The following NAPB variants were observed in gnomAD, a reference collection of about 807,000 sequenced individuals.
NAPB encodes the protein NSF attachment protein beta.
A neutral mutation model predicts 44.7 loss-of-function variants in NAPB; 26 were observed. The ratio of observed to expected loss-of-function variants is 0.58; its 90% confidence interval spans 0.43 to 0.81. The LOEUF (loss-of-function observed/expected upper bound fraction) is 0.81, where lower values mean the gene tolerates loss of function less well. NAPB is among the 30% of genes least tolerant of loss of function. The pLI is 0.00. For synonymous variants in NAPB, 120 were observed against 116.8 expected (o/e 1.03, Z -0.18); for missense variants, 315 against 356.4 (o/e 0.88, Z 0.94).
At chr20:23,409,146 GAAAGA>G (rs2123243245) in intron 1 of NAPB, among the ~76,000 whole-genome samples, 1 of 152,294 alleles carries the variant, frequency 6.6e-6, no homozygotes, top group East Asian at 1.9e-4. Flanking sequence ...GCCTTGGAGA[GAAAGA>G]AAAATTCCAC....
At chr20:23,410,894 AAAAT>A (rs1305241536) in intron 1 of NAPB, among the ~76,000 whole-genome samples, 1 of 152,198 alleles carries the variant, frequency 6.6e-6, no homozygotes. Flanking sequence ...AATACACAAA[AAAAT>A]AAGATGATGA....
chr20:23,398,854 A>AATTT (rs1984594168), intron 2 of NAPB, among the ~76,000 whole-genome samples: 3 of 90,426 alleles, frequency 3.3e-5, no homozygotes, highest in African/African-American at 1.4e-4. Flanking sequence ...CAAAAAAAAA[A>AATTT]TTTTTTTTTT....
At chr20:23,390,736 C>T (rs1983885175) in intron 5 of NAPB, among the ~76,000 whole-genome samples, 1 of 151,994 alleles carries the variant, frequency 6.6e-6, no homozygotes. Flanking sequence ...ACAAAGGACA[C>T]AAGGTACCTC....
At chr20:23,406,300 G>A (rs1233824445) in intron 1 of NAPB, among the ~76,000 whole-genome samples, 1 of 152,160 alleles carries the variant, frequency 6.6e-6, no homozygotes, top group Non-Finnish European at 1.5e-5. Flanking sequence ...AAGCAGGGAG[G>A]TGAGGGAAAA....
Position 23,421,414 on chromosome 20 carries a change from C to A in NAPB, c.-12G>T. 2.6e-6 allele frequency: 4 copies of A among 1,541,946 alleles called. No homozygotes were observed. The South Asian group carries it at 4.8e-5, about 18-fold the overall frequency. ...CCCGCGTTGTCCATGTCGCCCGCCG[C>A]GGCCGCCACAGCCCCCTCAGCCGGC... On this transcript the variant is annotated 5_prime_UTR_variant, in exon 1 of 11. Coordinates refer to ENST00000377026, the MANE Select transcript of NAPB (RefSeq NM_022080.3).
intron 1 of NAPB, among the ~76,000 whole-genome samples, chr20:23,410,380 A>G (rs1406320091): frequency 6.6e-6 from 1 of 152,224 alleles, no homozygotes; most frequent in Non-Finnish European, 1.5e-5. Context: ...CAGAAAGGAG[A>G]AACAGCATCC....
intron 7 of NAPB, among the ~76,000 whole-genome samples, chr20:23,385,775 GAGAGAGAGAA>G (rs1983466791): frequency 6.6e-6 from 1 of 151,856 alleles, no homozygotes; most frequent in South Asian, 2.1e-4. Flanking sequence ...GAGAGAGAGA[GAGAGAGAGAA>G]AGAGAAAGAA....
At chr20:23,420,504 C>T (rs6048791) in intron 1 of NAPB, among the ~76,000 whole-genome samples, 2 of 152,086 alleles carry the variant, frequency 1.3e-5, no homozygotes, top group African/African-American at 4.8e-5. Context: ...CGGGGCCCAC[C>T]TGCAGGCGGG....
intron 8 of NAPB, chr20:23,380,528 C>CA (rs1555789700): frequency 6.9e-6 from 1 of 145,862 alleles, no homozygotes; most frequent in Non-Finnish European, 1.5e-5. Context: ...TAATTTCTTT[C>CA]TTTTTTTTTT....
At chr20:23,405,726 C>CA (rs1182315789) in intron 1 of NAPB, among the ~76,000 whole-genome samples, 6 of 149,302 alleles carry the variant, frequency 4.0e-5, no homozygotes, top group Admixed American at 6.6e-5. Flanking sequence ...CGTCTCAAAA[C>CA]AAAAAAAAAG....
intron 1 of NAPB, among the ~76,000 whole-genome samples, chr20:23,403,909 CCTT>C (rs1985044224): frequency 6.6e-6 from 1 of 152,158 alleles, no homozygotes; most frequent in Non-Finnish European, 1.5e-5. Context: ...AAGGGCAAGT[CCTT>C]CTCCAACCTG....
intron 1 of NAPB, among the ~76,000 whole-genome samples, chr20:23,418,593 C>T (rs1986163530): frequency 2.6e-5 from 4 of 152,124 alleles, no homozygotes; most frequent in Admixed American, 2.0e-4. Flanking sequence ...ATAAATCACA[C>T]TTGCATGGTA....
intron 2 of NAPB, among the ~76,000 whole-genome samples, chr20:23,400,359 A>G (rs548712785): frequency 2.2e-4 from 34 of 152,232 alleles, no homozygotes; most frequent in African/African-American, 7.9e-4. Context: ...TCTACTAAAA[A>G]TACAAAATTA....
In NAPB at chr20:23,404,438, A is replaced by T. The variant is rs116755841; in HGVS notation, c.99-1366T>A. ...GCAGAGGAGCTTGCAGCTCCCTGTC[A>T]ACACAAGTCCTAGTGCAGAGCAGAG... On this transcript the variant is annotated intron_variant, in intron 1 of 10. Transcript: ENST00000377026. Among the ~76,000 whole-genome samples, 394 of 152,326 alleles carry T rather than the reference A, an allele frequency of 2.6e-3. 1 individual carries two copies. Among genetic ancestry groups the T allele is most frequent in the African/African-American group, 8.6e-3 (359 of 41,570 alleles).
rs551414688 is a variant in NAPB, at chr20:23,398,005, G to C, written c.179-817C>G. 3.3e-4 allele frequency among the ~76,000 whole-genome samples: 51 copies of C among 152,318 alleles called. No individual in the cohort carries two copies. The South Asian group carries it at 1.0e-2, about 30-fold the overall frequency. On this transcript the variant is annotated intron_variant, in intron 2 of 10. Transcript: ENST00000377026. ...CTAGCAGAGGAGTCACAGGAACACA[G>C]AAGAAATGCTTGAAGGTAAGAAAGG... is the stretch of plus-strand genomic sequence containing the variant.
At chr20:23,421,261 ACGGAGACCC>A in intron 1 of NAPB, 35 bp downstream of exon 1, 1 of 1,369,562 alleles carries the variant, frequency 7.3e-7, no homozygotes, top group African/African-American at 3.0e-5. Flanking sequence ...GGGGCCAAGT[ACGGAGACCC>A]CCCCCCCCCA....
At chr20:23,378,093 T>C (rs1226667464) in intron 10 of NAPB, among the ~76,000 whole-genome samples, 6 of 151,538 alleles carry the variant, frequency 4.0e-5, no homozygotes. Flanking sequence ...GGTGGATAGC[T>C]TAAGCCCAGG....
At chr20:23,413,780 T>C (rs1474570720) in intron 1 of NAPB, among the ~76,000 whole-genome samples, 2 of 151,706 alleles carry the variant, frequency 1.3e-5, no homozygotes, top group East Asian at 1.9e-4. Context: ...TCAGTAGAGA[T>C]AGAAAATTTA....
At chr20:23,385,699 C>A (rs185027141) in intron 7 of NAPB, among the ~76,000 whole-genome samples, 79 of 140,082 alleles carry the variant, frequency 5.6e-4, no homozygotes, top group Admixed American at 5.5e-3. Flanking sequence ...GGTGACAGAG[C>A]AAGACTCTGT....
Sources: allele counts gnomAD v4.1 joint callset (sites outside exome capture counted in the v4.1 genomes callset), GRCh38; gene constraint gnomAD v4.1.1; transcripts MANE v1.5; gene names NCBI Gene and HGNC (gene_info 2026-07-23, HGNC 2026-07-21).